Variants in SLC35F1 observed in about 807,000 individuals in gnomAD.
SLC35F1 encodes the protein chromosome 6 open reading frame 169.
A neutral mutation model predicts 48.7 loss-of-function variants in SLC35F1; 14 were observed. The observed-to-expected ratio is 0.29, with a 90% CI of 0.19 to 0.45. The LOEUF is 0.45. Among genes scored for constraint, SLC35F1 ranks in the 20% least tolerant of loss-of-function variants. SLC35F1 has a pLI of 1.00. For missense variants in SLC35F1, 404 were observed against 500.0 expected, an observed-to-expected ratio of 0.81 and a Z score of 1.83; for synonymous variants, 190 against 202.2, an observed-to-expected ratio of 0.94 and a Z score of 0.51.
intron 2 of SLC35F1, among the ~76,000 whole-genome samples, chr6:118,204,499 GA>G (rs1774909590): frequency 6.6e-6 from 1 of 152,126 alleles, no homozygotes; most frequent in Non-Finnish European, 1.5e-5. Context: ...CGTAATTTCT[GA>G]CCACTAGTCA....
chr6:118,233,524 C>A (rs555976583), intron 2 of SLC35F1, among the ~76,000 whole-genome samples: 31 of 152,300 alleles, frequency 2.0e-4, no homozygotes, highest in African/African-American at 7.0e-4. Flanking sequence ...CATATTCAGA[C>A]AGTATTTCAC....
intron 2 of SLC35F1, among the ~76,000 whole-genome samples, chr6:118,158,167 T>C (rs1022717777): frequency 6.6e-6 from 1 of 152,260 alleles, no homozygotes; most frequent in African/African-American, 2.4e-5. Flanking sequence ...TTTGCTGGCA[T>C]GTCTTCATTT....
Position 117,907,732 on chromosome 6 carries a change from C to T in SLC35F1, c.6C>T (p.Ile2=). The T allele has an allele frequency of 2.6e-6, 4 of 1,523,450 alleles. No individual in the cohort carries two copies. Among genetic ancestry groups the T allele is most frequent in the Middle Eastern group, 1.8e-4 (1 of 5,468 alleles). 94.4% of individuals were successfully genotyped at this position (1,523,450 alleles called of 1,614,324 possible). M[I]PPEQPQQQLQ... ...GCGCCTCAGCCTCTGCCGCGATGAT[C>T]CCCCCTGAGCAGCCGCAGCAGCAGC... Residue 2 remains isoleucine (I), a synonymous_variant, in exon 1 of 8, where the codon ATC becomes ATT. Coordinates refer to ENST00000360388, the MANE Select transcript of SLC35F1 (RefSeq NM_001029858.4).
chr6:117,987,447 CTTCCCTTCTCCT>C (rs1776862944), intron 1 of SLC35F1, among the ~76,000 whole-genome samples: 1 of 151,504 alleles, frequency 6.6e-6, no homozygotes, highest in African/African-American at 2.4e-5. Context: ...CTCCTCCTCC[CTTCCCTTCTCCT>C]TTTCTTATCC....
At chr6:118,051,988 A>G (rs568470723) in intron 1 of SLC35F1, among the ~76,000 whole-genome samples, 13 of 152,088 alleles carry the variant, frequency 8.5e-5, no homozygotes, top group Non-Finnish European at 1.8e-4. Flanking sequence ...TCATGTTCCA[A>G]ACTACCTTCC....
intron 1 of SLC35F1, among the ~76,000 whole-genome samples, chr6:118,131,858 T>C (rs1773718411): frequency 6.6e-6 from 1 of 152,016 alleles, no homozygotes; most frequent in South Asian, 2.1e-4. Flanking sequence ...ATCACCCTAC[T>C]GATGAATCAT....
At chr6:118,307,598 C>A (rs1056724683) in intron 7 of SLC35F1, among the ~76,000 whole-genome samples, 2 of 152,114 alleles carry the variant, frequency 1.3e-5, no homozygotes, top group African/African-American at 2.4e-5. Context: ...AACTCAGAAG[C>A]CGAACTTTTG....
At chr6:118,306,357 T>A (rs1053609875) in intron 7 of SLC35F1, among the ~76,000 whole-genome samples, 1 of 152,190 alleles carries the variant, frequency 6.6e-6, no homozygotes, top group Non-Finnish European at 1.5e-5. Context: ...TTCCACCCCT[T>A]GATTCCATTG....
intron 7 of SLC35F1, among the ~76,000 whole-genome samples, chr6:118,287,498 A>G (rs555226817): frequency 1.3e-5 from 2 of 152,236 alleles, no homozygotes; most frequent in Non-Finnish European, 2.9e-5. Context: ...AGCTCCCAGC[A>G]TGCCTGAGAG....
At chr6:118,135,403 G>T (rs1220643531) in intron 1 of SLC35F1, among the ~76,000 whole-genome samples, 1 of 152,134 alleles carries the variant, frequency 6.6e-6, no homozygotes, top group Non-Finnish European at 1.5e-5. Flanking sequence ...TTCTACAACA[G>T]AAACACAGTT....
chr6:118,276,622 T>C (rs1205751485), intron 5 of SLC35F1, among the ~76,000 whole-genome samples: 1 of 152,246 alleles, frequency 6.6e-6, no homozygotes, highest in Non-Finnish European at 1.5e-5. Context: ...TCCTAAATTT[T>C]GTGCTTCAGC....
rs1582737267 is a variant in SLC35F1, at chr6:118,221,757, C to T, written c.350-13752C>T. On this transcript the variant is annotated intron_variant, in intron 2 of 7. Transcript: ENST00000360388. ...AACTCATGGCCAAGCTTATTTTATC[C>T]CTACCCTCACCATTTCTCCCTTCCT... 5.3e-5 allele frequency among the ~76,000 whole-genome samples: 8 copies of T among 152,226 alleles called. 1 individual carries two copies. The South Asian group carries it at 1.7e-3, about 32-fold the overall frequency.
Position 118,315,111 on chromosome 6 carries a change from A to G in SLC35F1, c.*859A>G, listed in dbSNP as rs1050795967. ...GCTCCTCCCTGTAGCCTCTCTTCAA[A>G]AACTATCTTTTATTTTTTTTCCAGA... On this transcript the variant is annotated 3_prime_UTR_variant, in exon 8 of 8. Coordinates refer to ENST00000360388, the MANE Select transcript of SLC35F1 (RefSeq NM_001029858.4). 1.3e-5 allele frequency: 2 copies of G among 152,644 alleles called. No individual in the cohort carries two copies. The highest frequency in any genetic ancestry group is 4.1e-4 in the South Asian group (2 of 4,828). 9.5% of individuals were successfully genotyped at this position (152,644 alleles called of 1,614,324 possible). A position where few individuals can be genotyped will look rare whatever the true frequency, so the allele number is the denominator to read the frequency against.
chr6:117,950,763 A>G (rs1776354319), intron 1 of SLC35F1, among the ~76,000 whole-genome samples: 1 of 152,246 alleles, frequency 6.6e-6, no homozygotes, highest in South Asian at 2.1e-4. Flanking sequence ...GAACATTAAC[A>G]GTAAACATGA....
At chr6:118,197,451 T>C (rs1774817188) in intron 2 of SLC35F1, among the ~76,000 whole-genome samples, 1 of 152,176 alleles carries the variant, frequency 6.6e-6, no homozygotes, top group South Asian at 2.1e-4. Context: ...TATGAAGTTA[T>C]TTTCCCCCAT....
chr6:118,151,842 G>T (rs1326225931), intron 1 of SLC35F1, among the ~76,000 whole-genome samples: 1 of 151,964 alleles, frequency 6.6e-6, no homozygotes. Context: ...GTTAATTCTG[G>T]TACTCCTTTT....
intron 1 of SLC35F1, among the ~76,000 whole-genome samples, chr6:118,006,945 TCAC>T (rs1159338512): frequency 6.6e-6 from 1 of 152,220 alleles, no homozygotes; most frequent in Non-Finnish European, 1.5e-5. Flanking sequence ...AGAAATATGT[TCAC>T]CATTTTCTTA....
chr6:118,047,361 T>A (rs549434059), intron 1 of SLC35F1, among the ~76,000 whole-genome samples: 1 of 152,298 alleles, frequency 6.6e-6, no homozygotes, highest in South Asian at 2.1e-4. Flanking sequence ...ACAAATTTGG[T>A]GCCCTCAGTA....
At chr6:118,171,852 A>G (rs924453274) in intron 2 of SLC35F1, among the ~76,000 whole-genome samples, 1 of 152,114 alleles carries the variant, frequency 6.6e-6, no homozygotes, top group African/African-American at 2.4e-5. Flanking sequence ...TTTCTTTCAT[A>G]TAGTCTCTTG....
Sources: allele counts gnomAD v4.1 joint callset (sites outside exome capture counted in the v4.1 genomes callset), GRCh38; gene constraint gnomAD v4.1.1; transcripts MANE v1.5; gene names NCBI Gene and HGNC (gene_info 2026-07-23, HGNC 2026-07-21).